NDUFS4: variants seen among roughly 807,000 people sequenced by gnomAD.
NDUFS4 encodes the protein NADH dehydrogenase [ubiquinone] iron-sulfur protein 4, mitochondrial.
Under a neutral mutation model 24.3 loss-of-function variants are expected in NDUFS4, and 28 were observed. That is an observed-to-expected ratio of 1.15 (90% CI 0.85 to 1.58). NDUFS4 has a LOEUF of 1.58. Ranked by LOEUF, NDUFS4 falls within the 40% of genes most tolerant of loss-of-function variation. NDUFS4 has a pLI of 0.00. For missense variants in NDUFS4, 223 were observed against 207.9 expected, an observed-to-expected ratio of 1.07 and a Z score of -0.45; for synonymous variants, 93 against 69.7, an observed-to-expected ratio of 1.34 and a Z score of -1.67.
intron 1 of NDUFS4, among the ~76,000 whole-genome samples, chr5:53,579,431 C>T (rs942351961): frequency 2.0e-5 from 3 of 152,200 alleles, no homozygotes; most frequent in Non-Finnish European, 4.4e-5. Context: ...TGAATAATGA[C>T]ACAGCCACCC....
chr5:53,575,625 T>C (rs1420448752), intron 1 of NDUFS4, among the ~76,000 whole-genome samples: 4 of 134,956 alleles, frequency 3.0e-5, no homozygotes, highest in African/African-American at 1.1e-4. Flanking sequence ...CACTGCAACC[T>C]CTGCCTCCCG....
intron 2 of NDUFS4, among the ~76,000 whole-genome samples, chr5:53,640,182 A>C (rs1483779731): frequency 6.6e-6 from 1 of 152,006 alleles, no homozygotes; most frequent in Non-Finnish European, 1.5e-5. Flanking sequence ...GAGGGGCTGA[A>C]GTGGAAAGTG....
intron 1 of NDUFS4, among the ~76,000 whole-genome samples, chr5:53,565,396 G>A (rs962220035): frequency 6.6e-6 from 1 of 152,202 alleles, no homozygotes; most frequent in Non-Finnish European, 1.5e-5. Flanking sequence ...TATATCAGCA[G>A]TGAGGTCGCA....
At chr5:53,658,976 A>T (rs1752245330) in intron 4 of NDUFS4, among the ~76,000 whole-genome samples, 1 of 152,046 alleles carries the variant, frequency 6.6e-6, no homozygotes, top group Non-Finnish European at 1.5e-5. Context: ...TAGTTTTGAC[A>T]CCTCTGTTTA....
rs117441805 is a variant in NDUFS4, at chr5:53,568,706, A to G, written c.98+7946A>G. Among the ~76,000 whole-genome samples the G allele has an allele frequency of 9.2e-5, 14 of 152,266 alleles. No individual in the cohort carries two copies. The East Asian group carries it at 2.7e-3, about 29-fold the overall frequency. ...GAACTCTGCCCTTCAAAATTTTAAG[A>G]AAGTGTTTTATCCTTTAAAATGGAA... is the stretch of plus-strand genomic sequence containing the variant. On this transcript the variant is annotated intron_variant, in intron 1 of 4. Coordinates refer to ENST00000296684, the MANE Select transcript of NDUFS4 (RefSeq NM_002495.4).
chr5:53,606,847 T>C (rs1403265554), intron 2 of NDUFS4, among the ~76,000 whole-genome samples: 1 of 152,208 alleles, frequency 6.6e-6, no homozygotes, highest in Admixed American at 6.5e-5. Flanking sequence ...GTATCAAGTC[T>C]TATATCAAAT....
intron 4 of NDUFS4, among the ~76,000 whole-genome samples, chr5:53,663,033 G>A (rs929713126): frequency 1.5e-4 from 23 of 151,818 alleles, no homozygotes; most frequent in South Asian, 8.4e-4. Flanking sequence ...CTTTGTTCTC[G>A]TTGGTTTCAA....
chr5:53,678,925 A>G (rs894403053), intron 4 of NDUFS4, among the ~76,000 whole-genome samples: 28 of 152,138 alleles, frequency 1.8e-4, no homozygotes, highest in African/African-American at 6.8e-4. Context: ...ATTCGAGTAT[A>G]GTGGGACCAG....
rs186680144 is a variant in NDUFS4, at chr5:53,605,090, G to A, written c.177+1560G>A. Among the ~76,000 whole-genome samples, 183 of 152,158 alleles carry A rather than the reference G, an allele frequency of 1.2e-3. 1 individual carries two copies. Among genetic ancestry groups the A allele is most frequent in the South Asian group, 3.9e-3 (19 of 4,822 alleles). On this transcript the variant is annotated intron_variant, in intron 2 of 4. Coordinates refer to ENST00000296684, the MANE Select transcript of NDUFS4 (RefSeq NM_002495.4). ...CAAAAAATTAGCTGGGCGTGGTGGC[G>A]GGTGCCTGTAATCTCAGCTACTCAG...
intron 4 of NDUFS4, among the ~76,000 whole-genome samples, chr5:53,665,784 G>A (rs1325025668): frequency 2.0e-5 from 3 of 152,198 alleles, no homozygotes; most frequent in Admixed American, 6.5e-5. Context: ...TGGGTGAGGC[G>A]ATGCCTCGCC....
chr5:53,645,728 A>G (rs1398209345), intron 2 of NDUFS4, among the ~76,000 whole-genome samples: 1 of 152,240 alleles, frequency 6.6e-6, no homozygotes, highest in Non-Finnish European at 1.5e-5. Flanking sequence ...AAAAAGGTTC[A>G]GGTTTCCCTC....
chr5:53,647,256 A>G (rs1751897293), intron 3 of NDUFS4, among the ~76,000 whole-genome samples: 1 of 152,078 alleles, frequency 6.6e-6, no homozygotes, highest in African/African-American at 2.4e-5. Context: ...CCCCTTGCCC[A>G]GGCTGGAGTG....
chr5:53,653,285 G>A (rs913659535), intron 3 of NDUFS4, among the ~76,000 whole-genome samples: 3 of 152,124 alleles, frequency 2.0e-5, no homozygotes, highest in African/African-American at 7.2e-5. Context: ...TAGATGTTGC[G>A]AATTCTCTCA....
chr5:53,617,706 C>T (rs1750886691), intron 2 of NDUFS4, among the ~76,000 whole-genome samples: 1 of 152,092 alleles, frequency 6.6e-6, no homozygotes, highest in Admixed American at 6.6e-5. Flanking sequence ...TGTCATATTT[C>T]CTCTTTTGTA....
intron 2 of NDUFS4, among the ~76,000 whole-genome samples, chr5:53,619,497 A>AAC (rs1234804212): frequency 1.3e-5 from 2 of 150,144 alleles, no homozygotes; most frequent in South Asian, 2.1e-4. Context: ...AAAAAAAAAA[A>AAC]AAAAAAAAAA....
intron 2 of NDUFS4, among the ~76,000 whole-genome samples, chr5:53,624,925 T>C (rs1454333090): frequency 6.6e-6 from 1 of 152,162 alleles, no homozygotes; most frequent in Non-Finnish European, 1.5e-5. Context: ...CTTTCAGTCT[T>C]TTCTGGGTTT....
At chr5:53,662,571 T>G (rs1367287134) in intron 4 of NDUFS4, among the ~76,000 whole-genome samples, 1 of 152,180 alleles carries the variant, frequency 6.6e-6, no homozygotes, top group African/African-American at 2.4e-5. Flanking sequence ...GAAGGAATGG[T>G]ACCAGCTCCT....
At chr5:53,592,132 G>A (rs1484095924) in intron 1 of NDUFS4, among the ~76,000 whole-genome samples, 1 of 151,868 alleles carries the variant, frequency 6.6e-6, no homozygotes, top group Non-Finnish European at 1.5e-5. Flanking sequence ...TAGAGATGAG[G>A]GGGTGTGGCA....
chr5:53,644,981 A>G (rs1751817328), intron 2 of NDUFS4, among the ~76,000 whole-genome samples: 1 of 152,110 alleles, frequency 6.6e-6, no homozygotes, highest in Admixed American at 6.6e-5. Flanking sequence ...AATACTTACC[A>G]GCTAAGTATT....
Sources: allele counts gnomAD v4.1 joint callset (sites outside exome capture counted in the v4.1 genomes callset), GRCh38; gene constraint gnomAD v4.1.1; transcripts MANE v1.5; gene names NCBI Gene and HGNC (gene_info 2026-07-23, HGNC 2026-07-21).